The following SCLT1 variants were observed in gnomAD, a reference collection of about 807,000 sequenced individuals.
SCLT1 encodes sodium channel and clathrin linker 1, also known as sodium channel-associated protein 1.
SCLT1 carries 78 observed loss-of-function variants against 112.8 expected under a neutral mutation model. The observed-to-expected ratio is 0.69, with a 90% confidence interval of 0.58 to 0.83. SCLT1 has a LOEUF of 0.83. SCLT1 is among the 40% of genes least tolerant of loss of function. The probability of loss-of-function intolerance (pLI) is 0.00; values close to 1 mark genes in which losing one functional copy is unlikely to be tolerated. For missense variants in SCLT1, 747 were observed against 770.4 expected (o/e 0.97, Z 0.36); for synonymous variants, 257 against 254.7 (o/e 1.01, Z -0.09).
At chr4:129,018,356 C>T (rs1268160848) in intron 5 of SCLT1, among the ~76,000 whole-genome samples, 1 of 152,174 alleles carries the variant, frequency 6.6e-6, no homozygotes, top group Admixed American at 6.5e-5. Context: ...TATAATTGCA[C>T]AATTTAATTA....
intron 5 of SCLT1, among the ~76,000 whole-genome samples, chr4:129,031,779 AACT>A (rs1339955621): frequency 1.3e-5 from 2 of 152,156 alleles, no homozygotes; most frequent in Non-Finnish European, 2.9e-5. Flanking sequence ...CTTCAAGGAG[AACT>A]ACAAACCACT....
intron 9 of SCLT1, among the ~76,000 whole-genome samples, chr4:128,985,457 T>C (rs1742009545): frequency 6.6e-6 from 1 of 152,212 alleles, no homozygotes; most frequent in Admixed American, 6.5e-5. Flanking sequence ...ATGTTTTTAC[T>C]TGCATTTTCC....
intron 5 of SCLT1, among the ~76,000 whole-genome samples, chr4:129,008,095 C>A (rs867527317): frequency 2.0e-5 from 3 of 152,072 alleles, no homozygotes; most frequent in Non-Finnish European, 2.9e-5. Context: ...CATTTTAAAG[C>A]CATTATTATT....
intron 5 of SCLT1, among the ~76,000 whole-genome samples, chr4:129,036,280 T>C (rs1373758414): frequency 6.6e-6 from 1 of 151,988 alleles, no homozygotes; most frequent in Non-Finnish European, 1.5e-5. Flanking sequence ...TGAATTACCG[T>C]TAAATAGGTG....
intron 2 of SCLT1, among the ~76,000 whole-genome samples, chr4:129,049,848 C>T (rs1748589918): frequency 6.6e-6 from 1 of 152,026 alleles, no homozygotes. Context: ...GGTTTTAACC[C>T]TGCATGCATT....
At chr4:128,989,956 TA>T (rs61507502) in intron 9 of SCLT1, among the ~76,000 whole-genome samples, 108,661 of 151,618 alleles carry the variant, frequency 0.72, 41,104 homozygotes, top group South Asian at 0.89. Context: ...GAAGTGGCAA[TA>T]AAAAAATCTC....
At chr4:128,967,787 A>G (rs902067510) in intron 10 of SCLT1, among the ~76,000 whole-genome samples, 1 of 151,660 alleles carries the variant, frequency 6.6e-6, no homozygotes, top group African/African-American at 2.4e-5. Context: ...ATTTTTTCCC[A>G]TTCTGTAGGT....
In SCLT1 at chr4:129,039,504, A is replaced by G. The variant is rs559288615; in HGVS notation, c.235-408T>C. 8 of 158,962 alleles carry G rather than the reference A, an allele frequency of 5.0e-5. No individual in the cohort carries two copies. The South Asian group carries it at 7.4e-4, about 15-fold the overall frequency. 9.8% of individuals were successfully genotyped at this position (158,962 alleles called of 1,614,324 possible). A position where few individuals can be genotyped will look rare whatever the true frequency, so the allele number is the denominator to read the frequency against. On this transcript the variant is annotated intron_variant, in intron 4 of 20. Coordinates refer to ENST00000281142, the MANE Select transcript of SCLT1 (RefSeq NM_144643.4). ...CCCATATAAGTATGTATATTTTTCT[A>G]GTATTTCAAAAGGTAAAATGCTAAC...
intron 18 of SCLT1, among the ~76,000 whole-genome samples, chr4:128,909,748 C>T (rs535175350): frequency 3.3e-5 from 5 of 152,168 alleles, no homozygotes; most frequent in African/African-American, 7.2e-5. Flanking sequence ...GGAATATGTC[C>T]GAGGGCTGGC....
At chr4:128,906,142 C>G (rs1449396140) in intron 18 of SCLT1, among the ~76,000 whole-genome samples, 7 of 152,178 alleles carry the variant, frequency 4.6e-5, no homozygotes, top group African/African-American at 1.4e-4. Context: ...CTTGCCTTTT[C>G]AAAGTTTTTG....
intron 1 of SCLT1, among the ~76,000 whole-genome samples, chr4:129,083,186 G>GAAAAAAAAAAAAAA (rs10651058): frequency 2.4e-5 from 2 of 84,534 alleles, no homozygotes; most frequent in Non-Finnish European, 4.3e-5. Context: ...GTGAGACTCT[G>GAAAAAAAAAAAAAA]AAAAAAAAAA....
intron 2 of SCLT1, among the ~76,000 whole-genome samples, chr4:129,048,096 C>G: frequency 6.6e-6 from 1 of 152,030 alleles, no homozygotes; most frequent in Non-Finnish European, 1.5e-5. Context: ...TTTTGTCCAC[C>G]AGTTTCATAG....
chr4:128,979,729 A>G (rs1424734698), intron 9 of SCLT1, among the ~76,000 whole-genome samples: 1 of 152,206 alleles, frequency 6.6e-6, no homozygotes, highest in East Asian at 1.9e-4. Flanking sequence ...GTATCTGCAA[A>G]AGAAAGTTAT....
At chr4:128,956,056 A>G (rs1739189254) in intron 13 of SCLT1, among the ~76,000 whole-genome samples, 1 of 152,340 alleles carries the variant, frequency 6.6e-6, no homozygotes, top group African/African-American at 2.4e-5. Flanking sequence ...GTAGGACTAC[A>G]TATTTGAATA....
chr4:128,944,780 C>T (rs1477711656), intron 16 of SCLT1: 2 of 152,108 alleles, frequency 1.3e-5, no homozygotes, highest in Admixed American at 1.3e-4. Flanking sequence ...TCATTAATTC[C>T]TCCTGTCTTG....
intron 18 of SCLT1, among the ~76,000 whole-genome samples, chr4:128,893,351 TC>T (rs1298814349): frequency 6.6e-6 from 1 of 152,112 alleles, no homozygotes; most frequent in African/African-American, 2.4e-5. Flanking sequence ...AAGCTCTGTC[TC>T]CCCCATTGGA....
At chr4:128,942,264 T>C (rs1160187819) in intron 17 of SCLT1, among the ~76,000 whole-genome samples, 1 of 152,076 alleles carries the variant, frequency 6.6e-6, no homozygotes, top group Admixed American at 6.6e-5. Context: ...TATGACTTCT[T>C]AGGAGTCCTT....
At chr4:128,987,370 C>T (rs1455244751) in intron 9 of SCLT1, among the ~76,000 whole-genome samples, 2 of 152,132 alleles carry the variant, frequency 1.3e-5, no homozygotes, top group Non-Finnish European at 2.9e-5. Context: ...TGTGACCAAT[C>T]CTAGAGTGAC....
At chr4:129,012,251 A>G (rs1206440882) in intron 5 of SCLT1, among the ~76,000 whole-genome samples, 6 of 152,168 alleles carry the variant, frequency 3.9e-5, no homozygotes, top group East Asian at 1.9e-4. Flanking sequence ...CATTAGTTTC[A>G]AAGAACTTGA....
Sources: gnomAD v4.1 joint callset for allele counts (sites outside exome capture counted in the v4.1 genomes callset) on GRCh38, gnomAD v4.1.1 for gene constraint, MANE v1.5 for transcripts, NCBI Gene and HGNC (gene_info 2026-07-23, HGNC 2026-07-21) for gene names.